Variants in PRKCH observed in about 807,000 individuals in gnomAD.
The protein encoded by PRKCH is protein kinase C eta type.
A neutral mutation model predicts 82.5 loss-of-function variants in PRKCH; 28 were observed. The ratio of observed to expected loss-of-function variants is 0.34; its 90% CI spans 0.25 to 0.47. The LOEUF (loss-of-function observed/expected upper bound fraction) is 0.47, where lower values mean the gene tolerates loss of function less well. Among genes scored for constraint, PRKCH ranks in the 20% least tolerant of loss-of-function variants. PRKCH has a pLI of 1.00. For missense variants in PRKCH, 705 were observed against 881.8 expected, an observed-to-expected ratio of 0.80 and a Z score of 2.54; for synonymous variants, 322 against 327.4, an observed-to-expected ratio of 0.98 and a Z score of 0.18.
chr14:61,451,688 T>G (rs1438292046), intron 6 of PRKCH, among the ~76,000 whole-genome samples: 1 of 152,182 alleles, frequency 6.6e-6, no homozygotes, highest in Non-Finnish European at 1.5e-5. Flanking sequence ...CCATCTTGTA[T>G]GGAAATGTAA....
intron 1 of PRKCH, among the ~76,000 whole-genome samples, chr14:61,193,589 A>C (rs1312699915): frequency 6.6e-6 from 1 of 152,164 alleles, no homozygotes; most frequent in South Asian, 2.1e-4. Context: ...TTCTTGTGAT[A>C]AATGTTTCAT....
At chr14:61,433,047 A>AAAAAAAAAAAAAAAC (rs1883493680) in intron 2 of PRKCH, among the ~76,000 whole-genome samples, 1 of 148,260 alleles carries the variant, frequency 6.7e-6, no homozygotes, top group African/African-American at 2.6e-5. Context: ...CCTCTTCAAA[A>AAAAAAAAAAAAAAAC]AAAAAAAAAA....
chr14:61,209,307 A>AT (rs1378655149), intron 1 of PRKCH, among the ~76,000 whole-genome samples: 13 of 66,788 alleles, frequency 1.9e-4, no homozygotes, highest in African/African-American at 7.1e-4. Context: ...CAGTGCCTTT[A>AT]TTTAAAAAAA....
intron 1 of PRKCH, among the ~76,000 whole-genome samples, chr14:61,285,517 TAAGCA>T (rs2045307578): frequency 6.6e-6 from 1 of 152,250 alleles, no homozygotes; most frequent in South Asian, 2.1e-4. Context: ...GTGTCTTTTT[TAAGCA>T]AAGATTTCTG....
chr14:61,211,703 C>T (rs1566782378), intron 1 of PRKCH, among the ~76,000 whole-genome samples: 1 of 152,194 alleles, frequency 6.6e-6, no homozygotes, highest in Non-Finnish European at 1.5e-5. Context: ...TCCTCACCCG[C>T]TTAATTGCTT....
At chr14:61,314,832 C>A (rs1422717514) in intron 1 of PRKCH, among the ~76,000 whole-genome samples, 1 of 152,154 alleles carries the variant, frequency 6.6e-6, no homozygotes, top group East Asian at 1.9e-4. Flanking sequence ...CGTCAGGACC[C>A]TTTGGCTAGC....
At chr14:61,217,848 C>CT (rs2044626269) in intron 1 of PRKCH, among the ~76,000 whole-genome samples, 1 of 152,196 alleles carries the variant, frequency 6.6e-6, no homozygotes, top group Non-Finnish European at 1.5e-5. Flanking sequence ...CCCTCTTCTA[C>CT]TTTTTAAAAG....
intron 9 of PRKCH, among the ~76,000 whole-genome samples, chr14:61,464,932 T>C (rs909988637): frequency 1.3e-5 from 2 of 152,220 alleles, no homozygotes; most frequent in Non-Finnish European, 2.9e-5. Context: ...TCAAATGGTA[T>C]TTCTGGTTCT....
At chr14:61,353,105 T>C (rs933579616) in intron 1 of PRKCH, among the ~76,000 whole-genome samples, 2 of 152,216 alleles carry the variant, frequency 1.3e-5, no homozygotes, top group African/African-American at 4.8e-5. Context: ...AAAATTTGTT[T>C]GGGTTTTGAA....
intron 10 of PRKCH, among the ~76,000 whole-genome samples, chr14:61,513,663 A>G (rs1226018506): frequency 6.6e-6 from 1 of 152,196 alleles, no homozygotes. Context: ...ATAAAACAGA[A>G]GACCACATTT....
At chr14:61,352,722 G>GAAAGAAAGAAAGAA (rs1555378124) in intron 1 of PRKCH, among the ~76,000 whole-genome samples, 26 of 151,374 alleles carry the variant, frequency 1.7e-4, no homozygotes, top group African/African-American at 6.3e-4. Flanking sequence ...AAGAAAGAAA[G>GAAAGAAAGAAAGAA]AAAGAAAGAA....
At chr14:61,260,469 A>G (rs2045036373) in intron 1 of PRKCH, among the ~76,000 whole-genome samples, 2 of 152,180 alleles carry the variant, frequency 1.3e-5, no homozygotes, top group African/African-American at 2.4e-5. Context: ...AATAAAAACT[A>G]TCATATGTTT....
At chr14:61,518,301 G>C (rs538920054) in intron 10 of PRKCH, among the ~76,000 whole-genome samples, 14 of 152,244 alleles carry the variant, frequency 9.2e-5, no homozygotes, top group Non-Finnish European at 1.9e-4. Context: ...TTTTGGCAAG[G>C]AGAGTCGGTG....
rs186648747 is a variant in PRKCH, at chr14:61,199,327, A to G, written c.-19+11659A>G. 6.0e-3 allele frequency among the ~76,000 whole-genome samples: 908 copies of G among 152,318 alleles called. 9 individuals carry two copies. The highest frequency in any genetic ancestry group is 0.02 in the African/African-American group (849 of 41,568). ...TGAGCTGAATGATTGGACTCAATACAAATAAAAAGAGCTTGCAAACTTCGC... is the reference window on the plus strand; with the variant it reads ...TGAGCTGAATGATTGGACTCAATACGAATAAAAAGAGCTTGCAAACTTCGC... On this transcript the variant is annotated intron_variant, in intron 1 of 3. Transcript: ENST00000555185.
intron 10 of PRKCH, among the ~76,000 whole-genome samples, chr14:61,496,898 C>T (rs1251961159): frequency 5.9e-5 from 9 of 152,152 alleles, no homozygotes; most frequent in Non-Finnish European, 1.3e-4. Context: ...CTCATGACAG[C>T]GCTATGATAT....
intron 1 of PRKCH, among the ~76,000 whole-genome samples, chr14:61,232,189 G>A (rs2044750284): frequency 3.3e-5 from 5 of 152,162 alleles, no homozygotes; most frequent in Admixed American, 3.3e-4. Context: ...ACAGAACACA[G>A]GGAAACACTT....
At chr14:61,247,833 G>A (rs1313388143) in intron 1 of PRKCH, among the ~76,000 whole-genome samples, 1 of 151,556 alleles carries the variant, frequency 6.6e-6, no homozygotes, top group Non-Finnish European at 1.5e-5. Context: ...AAAACACCCT[G>A]CAGTAGACGA....
intron 3 of PRKCH, among the ~76,000 whole-genome samples, chr14:61,445,142 A>G (rs999242435): frequency 3.9e-5 from 6 of 152,260 alleles, no homozygotes; most frequent in Non-Finnish European, 5.9e-5. Flanking sequence ...ATCATCACCC[A>G]TAGAATATAT....
chr14:61,188,430 G>T (rs1336211262), intron 1 of PRKCH, among the ~76,000 whole-genome samples: 1 of 152,118 alleles, frequency 6.6e-6, no homozygotes, highest in South Asian at 2.1e-4. Flanking sequence ...CTCTGGCTCC[G>T]GCTCCGGCTC....
Sources: gnomAD v4.1 joint callset for allele counts (sites outside exome capture counted in the v4.1 genomes callset) on GRCh38, gnomAD v4.1.1 for gene constraint, MANE v1.5 for transcripts, NCBI Gene and HGNC (gene_info 2026-07-23, HGNC 2026-07-21) for gene names.